CLIP4: variants seen among roughly 807,000 people sequenced by gnomAD.
The protein encoded by CLIP4 is CAP-Gly domain containing linker protein family member 4.
In CLIP4, 47 loss-of-function variants were observed where a neutral mutation model predicts 73.1. The ratio of observed to expected loss-of-function variants is 0.64; its 90% CI spans 0.51 to 0.82. The LOEUF (loss-of-function observed/expected upper bound fraction) is 0.82, where lower values mean the gene tolerates loss of function less well. Among genes scored for constraint, CLIP4 ranks in the 40% least tolerant of loss-of-function variants. The pLI is 0.00. For synonymous variants in CLIP4, 306 were observed against 295.4 expected (o/e 1.04, Z -0.37); for missense variants, 874 against 852.9 (o/e 1.02, Z -0.31).
intron 15 of CLIP4, among the ~76,000 whole-genome samples, chr2:29,178,678 T>C (rs2879455): frequency 0.38 from 57,083 of 152,102 alleles, 11,623 homozygotes; most frequent in Non-Finnish European, 0.48. Flanking sequence ...AAATCAGAAT[T>C]TAACTAGTAA....
intron 8 of CLIP4, among the ~76,000 whole-genome samples, chr2:29,151,100 C>G (rs1459288169): frequency 6.6e-6 from 1 of 152,084 alleles, no homozygotes; most frequent in East Asian, 1.9e-4. Context: ...ACCTTTTCCT[C>G]CTATTTAGAG....
chr2:29,180,750 CT>C (rs1668599257), intron 15 of CLIP4, among the ~76,000 whole-genome samples: 2 of 151,548 alleles, frequency 1.3e-5, no homozygotes, highest in Admixed American at 1.3e-4. Context: ...ATACTAGATT[CT>C]TTTTGCGTTA....
At chr2:29,140,707 G>T (rs1429609728) in intron 6 of CLIP4, among the ~76,000 whole-genome samples, 2 of 152,158 alleles carry the variant, frequency 1.3e-5, no homozygotes, top group Admixed American at 6.5e-5. Flanking sequence ...CAGTGTAAAA[G>T]TGTTCCTGTT....
chr2:29,176,244 GC>G (rs1306406835), intron 15 of CLIP4, among the ~76,000 whole-genome samples: 3 of 152,208 alleles, frequency 2.0e-5, no homozygotes, highest in South Asian at 2.1e-4. Flanking sequence ...CTGCCAAGGG[GC>G]CAGAGTTGAT....
intron 1 of CLIP4, among the ~76,000 whole-genome samples, chr2:29,101,295 CAAAA>C (rs1668040850): frequency 1.7e-5 from 2 of 120,556 alleles, no homozygotes; most frequent in Non-Finnish European, 1.7e-5. Context: ...TTCCCCCCCC[CAAAA>C]CAAAAAAAAA....
At chr2:29,159,615 G>A (rs1667153131) in intron 11 of CLIP4, among the ~76,000 whole-genome samples, 1 of 151,154 alleles carries the variant, frequency 6.6e-6, no homozygotes, top group African/African-American at 2.4e-5. Context: ...GGGAAGCTGA[G>A]GTGGGAGGAT....
At chr2:29,145,191 T>G in intron 7 of CLIP4, 41 bp from the exon 8 acceptor site, 1 of 1,577,472 alleles carries the variant, frequency 6.3e-7, no homozygotes, top group Non-Finnish European at 8.7e-7. Flanking sequence ...TTGGAATTAC[T>G]AATAATTCCC....
In CLIP4 at chr2:29,123,636, A is replaced by G. The variant is rs551131485; in HGVS notation, c.133+2115A>G. ...CACAGTGTTGAGGGAAGACCTTGGT[A>G]TATCCTAAGAATTAATGGAAGGTCT... On this transcript the variant is annotated intron_variant, in intron 2 of 15. Coordinates refer to ENST00000320081, the MANE Select transcript of CLIP4 (RefSeq NM_024692.6). Among the ~76,000 whole-genome samples the G allele has an allele frequency of 8.5e-5, 13 of 152,330 alleles. No individual in the cohort carries two copies. In the East Asian group the frequency reaches 2.5e-3, roughly 29 times the overall value.
chr2:29,136,361 C>A, intron 6 of CLIP4, among the ~76,000 whole-genome samples: 1 of 151,970 alleles, frequency 6.6e-6, no homozygotes, highest in South Asian at 2.1e-4. Flanking sequence ...CCTATTTTTC[C>A]CATTTTCCCT....
At chr2:29,144,533 C>G (rs1296379903) in intron 7 of CLIP4, among the ~76,000 whole-genome samples, 1 of 151,822 alleles carries the variant, frequency 6.6e-6, no homozygotes, top group Non-Finnish European at 1.5e-5. Context: ...CTTGTTTTTT[C>G]TTTTTTTAAT....
upstream of CLIP4, among the ~76,000 whole-genome samples, chr2:29,113,709 C>T (rs182038807): frequency 4.3e-4 from 66 of 152,274 alleles, no homozygotes; most frequent in African/African-American, 1.6e-3. This position sits in a 1 kb window ranked among gnomAD's most constrained non-coding sequence, Gnocchi z 4.0. Context: ...TGCCTTGTCA[C>T]CTACTAATAG....
chr2:29,098,212 TTTC>T (rs1424176464), intron 1 of CLIP4, among the ~76,000 whole-genome samples: 1 of 152,252 alleles, frequency 6.6e-6, no homozygotes, highest in African/African-American at 2.4e-5. Flanking sequence ...ATTGACTTTT[TTTC>T]TTCTTACGAT....
chr2:29,162,820 T>C (rs1030515100), intron 12 of CLIP4, among the ~76,000 whole-genome samples: 15 of 152,156 alleles, frequency 9.9e-5, no homozygotes, highest in African/African-American at 2.9e-4. Context: ...TTTTTATACA[T>C]AGAGGAAAAA....
chr2:29,151,260 AAATT>A (rs1280102838), intron 8 of CLIP4, among the ~76,000 whole-genome samples: 25 of 152,278 alleles, frequency 1.6e-4, no homozygotes, highest in South Asian at 4.1e-4. Flanking sequence ...TATTTCTTTA[AAATT>A]AATTCTATAA....
Position 29,181,654 on chromosome 2 carries a change from T to A in CLIP4, c.1879T>A (p.Ser627Thr). Residue 627 changes from serine (S) to threonine (T), a missense_variant, in exon 16 of 16, where the codon TCT becomes ACT. Transcript: ENST00000320081. Reference sequence around the variant, plus strand: ...AGGGAGCGTGAAGCTGCACGAGGGGTCTCAGGTCCTGCTCACGAGCTCCAA... The same window carrying A: ...AGGGAGCGTGAAGCTGCACGAGGGGACTCAGGTCCTGCTCACGAGCTCCAA... ...IEGSVKLHEG[S>T]QVLLTSSNEM... 1 of 1,613,952 alleles carries A rather than the reference T, an allele frequency of 6.2e-7. No homozygotes were observed. Among genetic ancestry groups the A allele is most frequent in the South Asian group, 1.1e-5 (1 of 91,054 alleles).
chr2:29,141,853 A>G (rs1665791329), intron 6 of CLIP4, among the ~76,000 whole-genome samples: 1 of 151,906 alleles, frequency 6.6e-6, no homozygotes, highest in Non-Finnish European at 1.5e-5. Context: ...CTCCTGTTTC[A>G]TGTTAGCTAG....
chr2:29,121,884 G>C (rs983269361), intron 2 of CLIP4, among the ~76,000 whole-genome samples: 1 of 152,078 alleles, frequency 6.6e-6, no homozygotes, highest in African/African-American at 2.4e-5. Flanking sequence ...AGGCAAAGAG[G>C]GTAAGAGACC....
chr2:29,136,757 A>G (rs1366784534), intron 6 of CLIP4, among the ~76,000 whole-genome samples: 1 of 152,104 alleles, frequency 6.6e-6, no homozygotes, highest in Non-Finnish European at 1.5e-5. Flanking sequence ...CAAGAAGCCT[A>G]GGAGATGATC....
intron 1 of CLIP4, among the ~76,000 whole-genome samples, chr2:29,106,009 C>A (rs1170698069): frequency 6.6e-6 from 1 of 152,138 alleles, no homozygotes; most frequent in Non-Finnish European, 1.5e-5. Flanking sequence ...AACTTTTCTG[C>A]CTCTTAAGAC....
Sources: allele counts gnomAD v4.1 joint callset (sites outside exome capture counted in the v4.1 genomes callset), GRCh38; gene constraint gnomAD v4.1.1; non-coding constraint Gnocchi (gnomAD v3.1); transcripts MANE v1.5; gene names NCBI Gene and HGNC (gene_info 2026-07-23, HGNC 2026-07-21).